SOX6: variants seen among roughly 807,000 people sequenced by gnomAD.
SOX6 encodes SRY-box transcription factor 6, also known as transcription factor SOX-6.
SOX6 carries 11 observed loss-of-function variants against 97.8 expected under a neutral mutation model. The observed-to-expected ratio is 0.11, with a 90% CI of 0.07 to 0.19. SOX6 has a LOEUF of 0.19. Among genes scored for constraint, SOX6 ranks in the 10% least tolerant of loss-of-function variants. The pLI is 1.00. For missense variants in SOX6, 810 were observed against 1,039.5 expected (o/e 0.78, Z 3.04); for synonymous variants, 360 against 371.4 (o/e 0.97, Z 0.35).
intron 3 of SOX6, among the ~76,000 whole-genome samples, chr11:16,248,333 C>T (rs1223053393): frequency 1.3e-5 from 2 of 152,148 alleles, no homozygotes; most frequent in African/African-American, 2.4e-5. Context: ...CACAGCTCTA[C>T]TAGGCAGTGC....
chr11:16,704,944 T>C (rs1334560630), intron 3 of SOX6, among the ~76,000 whole-genome samples: 1 of 152,164 alleles, frequency 6.6e-6, no homozygotes, highest in Non-Finnish European at 1.5e-5. Context: ...TATATATTTG[T>C]CATGAAGCAA....
At chr11:16,184,508 T>C (rs1455582677) in intron 5 of SOX6, among the ~76,000 whole-genome samples, 11 of 152,128 alleles carry the variant, frequency 7.2e-5, no homozygotes. Flanking sequence ...GTACAAAATA[T>C]TTTTAAAAAC....
chr11:16,597,342 A>G (rs1037391583), intron 4 of SOX6, among the ~76,000 whole-genome samples: 6 of 150,618 alleles, frequency 4.0e-5, no homozygotes, highest in African/African-American at 7.3e-5. Context: ...GTGTGTGTGT[A>G]TATATATATA....
At chr11:16,608,599 GAA>G (rs972082056) in intron 4 of SOX6, among the ~76,000 whole-genome samples, 2 of 140,344 alleles carry the variant, frequency 1.4e-5, no homozygotes, top group African/African-American at 2.6e-5. Flanking sequence ...AGGAGGCGTT[GAA>G]AAAAAAAAAA....
chr11:16,648,313 ACC>A (rs556816589), intron 3 of SOX6, among the ~76,000 whole-genome samples: 1 of 151,106 alleles, frequency 6.6e-6, no homozygotes, highest in Admixed American at 6.6e-5. Flanking sequence ...CCAGAGAATC[ACC>A]CCCCAACCCT....
At chr11:16,092,028 C>T (rs1168836093) in intron 9 of SOX6, among the ~76,000 whole-genome samples, 2 of 151,950 alleles carry the variant, frequency 1.3e-5, no homozygotes, top group African/African-American at 2.4e-5. Context: ...AGCAATCTGT[C>T]AGTAATACAT....
At chr11:16,606,657 A>G (rs1314095332) in intron 4 of SOX6, among the ~76,000 whole-genome samples, 1 of 152,178 alleles carries the variant, frequency 6.6e-6, no homozygotes, top group East Asian at 1.9e-4. Context: ...TGGAGGAGTG[A>G]GGTGGGCCGA....
chr11:16,619,800 A>C (rs1035779274), intron 3 of SOX6, among the ~76,000 whole-genome samples: 4 of 152,118 alleles, frequency 2.6e-5, no homozygotes, highest in Non-Finnish European at 5.9e-5. Context: ...ACATAAAATA[A>C]TTACTTGTCC....
chr11:16,263,377 C>T lies in SOX6; in HGVS notation c.446-28706G>A, dbSNP rs989356798. On this transcript the variant is annotated intron_variant, in intron 3 of 15. Coordinates refer to ENST00000683767, the MANE Select transcript of SOX6 (RefSeq NM_001367873.1). ...CAAAATTTCCAGGAGTAATTATATG[C>T]AGCTTATTATAGCTTCAATTTGTAC... Among the ~76,000 whole-genome samples the T allele has an allele frequency of 3.3e-5, 5 of 151,882 alleles. No individual in the cohort carries two copies. In the East Asian group the frequency reaches 9.6e-4, roughly 29 times the overall value.
chr11:16,246,190 T>G (rs1853330489), intron 3 of SOX6, among the ~76,000 whole-genome samples: 1 of 151,510 alleles, frequency 6.6e-6, no homozygotes, highest in Non-Finnish European at 1.5e-5. Context: ...ACACCTTTAT[T>G]TTGTATTATT....
chr11:16,180,214 C>A (rs574133466), intron 6 of SOX6, among the ~76,000 whole-genome samples: 154 of 151,864 alleles, frequency 1.0e-3, no homozygotes, highest in Admixed American at 2.0e-3. Context: ...TGTAAACATG[C>A]TTTGATCTGT....
chr11:16,385,107 A>T (rs1046952555), intron 1 of SOX6, among the ~76,000 whole-genome samples: 6 of 152,144 alleles, frequency 3.9e-5, no homozygotes, highest in Non-Finnish European at 4.4e-5. Context: ...TATTATTATC[A>T]GAAGTAATAG....
intron 1 of SOX6, among the ~76,000 whole-genome samples, chr11:16,392,593 C>A (rs986512941): frequency 2.6e-5 from 4 of 151,974 alleles, no homozygotes; most frequent in Non-Finnish European, 5.9e-5. Context: ...GATTAAAATT[C>A]TTATTTTCCA....
chr11:16,132,429 GAAA>G (rs1849819698), intron 6 of SOX6, among the ~76,000 whole-genome samples: 1 of 89,370 alleles, frequency 1.1e-5, no homozygotes, highest in East Asian at 5.5e-4. Context: ...AAGAAAGAAA[GAAA>G]GAAAGAAAGA....
intron 3 of SOX6, among the ~76,000 whole-genome samples, chr11:16,618,828 T>C (rs1848503881): frequency 6.6e-6 from 1 of 152,046 alleles, no homozygotes; most frequent in South Asian, 2.1e-4. Context: ...TCAAAAACTC[T>C]TAAGATGTAA....
At chr11:16,325,406 T>C (rs541012004) in intron 2 of SOX6, among the ~76,000 whole-genome samples, 1 of 152,286 alleles carries the variant, frequency 6.6e-6, no homozygotes. Flanking sequence ...CTGTTGGTAA[T>C]TTTCATTTCC....
intron 4 of SOX6, among the ~76,000 whole-genome samples, chr11:16,546,952 GAATAGATACTTCTCAAAAGAAGACATAC>G (rs1446139123): frequency 1.3e-5 from 2 of 152,108 alleles, no homozygotes; most frequent in East Asian, 3.8e-4. Flanking sequence ...CAAAGGACAT[GAATAGATACTTCTCAAAAGAAGACATAC>G]AAATGGCCAA....
At chr11:16,602,326 A>T (rs1347799709) in intron 4 of SOX6, among the ~76,000 whole-genome samples, 1 of 152,214 alleles carries the variant, frequency 6.6e-6, no homozygotes, top group East Asian at 1.9e-4. Context: ...TGCCTATGGA[A>T]TTAATGCCCT....
intron 4 of SOX6, among the ~76,000 whole-genome samples, chr11:16,216,212 G>A (rs762324314): frequency 2.6e-5 from 4 of 152,246 alleles, no homozygotes; most frequent in South Asian, 2.1e-4. Flanking sequence ...TTTTGTCAGC[G>A]CTTTCTCTCT....
Sources: gnomAD v4.1 joint callset for allele counts (sites outside exome capture counted in the v4.1 genomes callset) on GRCh38, gnomAD v4.1.1 for gene constraint, MANE v1.5 for transcripts, NCBI Gene and HGNC (gene_info 2026-07-23, HGNC 2026-07-21) for gene names.